HS3ST2: variants seen among roughly 807,000 people sequenced by gnomAD.
The protein encoded by HS3ST2 is heparan sulfate-glucosamine 3-sulfotransferase 2, also known as heparan sulfate glucosamine 3-O-sulfotransferase 2.
A neutral mutation model predicts 26.3 loss-of-function variants in HS3ST2; 17 were observed. The ratio of observed to expected loss-of-function variants is 0.65; its 90% CI spans 0.44 to 0.97. HS3ST2 has a LOEUF of 0.97. Ranked by LOEUF, HS3ST2 falls within the 50% of genes least tolerant of loss-of-function variation. The pLI, the probability that HS3ST2 is intolerant of heterozygous loss-of-function variation, is 0.00. For missense variants in HS3ST2, 402 were observed against 501.2 expected, an observed-to-expected ratio of 0.80 and a Z score of 1.89; for synonymous variants, 237 against 219.2, an observed-to-expected ratio of 1.08 and a Z score of -0.72.
At chr16:22,825,037 A>G (rs1023855292) in intron 1 of HS3ST2, among the ~76,000 whole-genome samples, 13 of 152,040 alleles carry the variant, frequency 8.6e-5, no homozygotes, top group Non-Finnish European at 2.9e-5. Flanking sequence ...CCAAGCATGA[A>G]CTCAAAATGG....
chr16:22,890,597 G>A (rs1902114966), intron 1 of HS3ST2, among the ~76,000 whole-genome samples: 2 of 152,140 alleles, frequency 1.3e-5, no homozygotes, highest in Admixed American at 6.5e-5. Context: ...CCAGTACCAG[G>A]CACTGTACAA....
chr16:22,815,757 GTTTCTTAAA>G (rs1371290742), intron 1 of HS3ST2, among the ~76,000 whole-genome samples: 2 of 152,152 alleles, frequency 1.3e-5, no homozygotes, highest in Non-Finnish European at 2.9e-5. Flanking sequence ...GCTTGAGCAA[GTTTCTTAAA>G]CTCTATCAGC....
chr16:22,882,299 C>G (rs1901999412), intron 1 of HS3ST2, among the ~76,000 whole-genome samples: 1 of 152,144 alleles, frequency 6.6e-6, no homozygotes, highest in South Asian at 2.1e-4. Context: ...GATGTTGAGG[C>G]TACAGTGAAC....
chr16:22,891,688 A>G (rs1172634729), intron 1 of HS3ST2, among the ~76,000 whole-genome samples: 1 of 152,166 alleles, frequency 6.6e-6, no homozygotes, highest in Non-Finnish European at 1.5e-5. Context: ...TTCTTTCAGG[A>G]ATTATGTCTC....
intron 1 of HS3ST2, among the ~76,000 whole-genome samples, chr16:22,815,908 CAAAATGTGGAATTTGAAGGTGG>C (rs1900860546): frequency 1.3e-5 from 2 of 152,182 alleles, no homozygotes; most frequent in Non-Finnish European, 2.9e-5. Flanking sequence ...AACCAGCAGC[CAAAATGTGGAATTTGAAGGTGG>C]GCCCTGCGGG....
Position 22,814,717 on chromosome 16 carries a change from G to C in HS3ST2, c.107G>C (p.Ser36Thr). The part of the protein sequence containing the change: ...LSLSCTYLCY[S>T]FLCCCDDLGR... ...CTCTCCTGCACTTACCTGTGTTACAGCTTCCTGTGCTGCTGCGACGACCTG... is the reference window on the plus strand; with the variant it reads ...CTCTCCTGCACTTACCTGTGTTACACCTTCCTGTGCTGCTGCGACGACCTG... Residue 36 changes from serine (S) to threonine (T), a missense_variant, in exon 1 of 2, where the codon AGC (serine) becomes ACC (threonine). Ser to Thr is a moderately conservative substitution (Grantham distance 58, BLOSUM62 1). Around this residue, in one of 2 missense-constraint regions of HS3ST2, gnomAD observed 165 missense variants for 154.6 expected, o/e 1.07. Coordinates refer to ENST00000261374, the MANE Select transcript of HS3ST2 (RefSeq NM_006043.2). 1.2e-6 allele frequency: 2 copies of C among 1,609,296 alleles called. No homozygotes were observed. Among genetic ancestry groups the C allele is most frequent in the South Asian group, 1.1e-5 (1 of 90,514 alleles).
intron 1 of HS3ST2, among the ~76,000 whole-genome samples, chr16:22,856,374 A>G (rs1365567604): frequency 6.6e-6 from 1 of 152,200 alleles, no homozygotes; most frequent in Non-Finnish European, 1.5e-5. Context: ...ATCTTTACTC[A>G]ATATTCATTT....
chr16:22,830,159 T>C (rs1031634866), intron 1 of HS3ST2, among the ~76,000 whole-genome samples: 5 of 152,158 alleles, frequency 3.3e-5, no homozygotes, highest in Non-Finnish European at 7.4e-5. Context: ...TGCTTCTCTG[T>C]AGGATAGAAG....
intron 1 of HS3ST2, among the ~76,000 whole-genome samples, chr16:22,859,461 C>A (rs1006668930): frequency 2.0e-5 from 3 of 152,182 alleles, no homozygotes; most frequent in Admixed American, 2.0e-4. Flanking sequence ...TTGCTGAAAA[C>A]GTAATTGCAT....
intron 1 of HS3ST2, among the ~76,000 whole-genome samples, chr16:22,862,030 C>G (rs1421438074): frequency 6.6e-6 from 1 of 152,216 alleles, no homozygotes; most frequent in East Asian, 1.9e-4. Context: ...TTCACTGCTT[C>G]TCTGTCCACC....
intron 1 of HS3ST2, among the ~76,000 whole-genome samples, chr16:22,855,775 T>C (rs1396973653): frequency 2.6e-5 from 4 of 151,602 alleles, no homozygotes; most frequent in Admixed American, 2.6e-4. Context: ...AGACTCCTTA[T>C]GTTACCATGA....
At chr16:22,851,595 A>G (rs1272307486) in intron 1 of HS3ST2, among the ~76,000 whole-genome samples, 4 of 152,206 alleles carry the variant, frequency 2.6e-5, no homozygotes, top group Admixed American at 2.6e-4. Flanking sequence ...AGAATCTCAG[A>G]TATAATCCAT....
intron 1 of HS3ST2, among the ~76,000 whole-genome samples, chr16:22,904,948 C>T (rs981933776): frequency 6.6e-6 from 1 of 152,220 alleles, no homozygotes; most frequent in African/African-American, 2.4e-5. Flanking sequence ...GCCACAGGTG[C>T]TGTGCCTGCC....
chr16:22,834,525 CA>C (rs1901222992), intron 1 of HS3ST2, among the ~76,000 whole-genome samples: 1 of 151,980 alleles, frequency 6.6e-6, no homozygotes, highest in Non-Finnish European at 1.5e-5. Context: ...TTTATACAAT[CA>C]TTAACCAAAT....
At position 22,914,964 on chromosome 16, in the gene HS3ST2, T is replaced by C. The variant is rs377238664; in HGVS notation, c.506T>C (p.Leu169Pro). Residue 169 changes from leucine (L) to proline (P), a missense_variant, in exon 2 of 2, where the codon CTC becomes CCC. Leu to Pro is a moderately conservative substitution (Grantham distance 98). Coordinates refer to ENST00000261374, the MANE Select transcript of HS3ST2 (RefSeq NM_006043.2). ...DWYRSLMPRT[L>P]ESQITLEKTP... ...CACAGGAGCCTGATGCCCAGGACCC[T>C]CGAGAGCCAGATCACGCTGGAGAAG... The C allele has an allele frequency of 6.2e-7, 1 of 1,612,884 alleles. No homozygotes were observed. The highest frequency in any genetic ancestry group is 8.5e-7 in the Non-Finnish European group (1 of 1,179,826).
intron 1 of HS3ST2, among the ~76,000 whole-genome samples, chr16:22,847,617 A>G (rs1901455535): frequency 6.6e-6 from 1 of 152,084 alleles, no homozygotes; most frequent in Admixed American, 6.6e-5. Flanking sequence ...AGGGGAATGG[A>G]AGAGAAGTAT....
At chr16:22,823,955 G>A (rs894724370) in intron 1 of HS3ST2, among the ~76,000 whole-genome samples, 1 of 152,218 alleles carries the variant, frequency 6.6e-6, no homozygotes, top group Non-Finnish European at 1.5e-5. Context: ...GCATTTAAAA[G>A]ACAATGTCAA....
At chr16:22,861,944 G>A (rs1215688878) in intron 1 of HS3ST2, among the ~76,000 whole-genome samples, 1 of 152,164 alleles carries the variant, frequency 6.6e-6, no homozygotes, top group African/African-American at 2.4e-5. Context: ...CCATTGGACA[G>A]ACCTTTCCTG....
At position 22,849,899 on chromosome 16, in the gene HS3ST2, G is replaced by A. The variant is rs188473783; in HGVS notation, c.485+34804G>A. 1.6e-4 allele frequency among the ~76,000 whole-genome samples: 25 copies of A among 152,250 alleles called. No individual in the cohort carries two copies. The East Asian group carries it at 4.6e-3, about 28-fold the overall frequency. On this transcript the variant is annotated intron_variant, in intron 1 of 1. Coordinates refer to ENST00000261374, the MANE Select transcript of HS3ST2 (RefSeq NM_006043.2). Reference sequence around the variant, plus strand: ...TGGGATTCCCTCTCTCATTACCCTGGATGGAGTAATATAGCCATCCTGAAG... The same window carrying A: ...TGGGATTCCCTCTCTCATTACCCTGAATGGAGTAATATAGCCATCCTGAAG...
Sources: gnomAD v4.1 joint callset for allele counts (sites outside exome capture counted in the v4.1 genomes callset) on GRCh38, gnomAD v4.1.1 for gene constraint, gnomAD v4.1.1 regional missense constraint, MANE v1.5 for transcripts, NCBI Gene and HGNC (gene_info 2026-07-23, HGNC 2026-07-21) for gene names.